NUDT3: variants seen among roughly 807,000 people sequenced by gnomAD.
The protein encoded by NUDT3 is diphosphoinositol polyphosphate phosphohydrolase 1.
NUDT3 carries 9 observed loss-of-function variants against 23.6 expected under a neutral mutation model. The observed-to-expected ratio is 0.38, with a 90% confidence interval of 0.23 to 0.66. NUDT3 has a LOEUF of 0.66. Ranked by LOEUF, NUDT3 falls within the 30% of genes least tolerant of loss-of-function variation. The pLI is 0.52. For synonymous variants in NUDT3, 86 were observed against 82.6 expected (o/e 1.04, Z -0.22); for missense variants, 172 against 218.5 (o/e 0.79, Z 1.34).
intron 1 of NUDT3, among the ~76,000 whole-genome samples, chr6:34,371,464 CA>C (rs1179552366): frequency 3.0e-4 from 41 of 137,874 alleles, no homozygotes; most frequent in Admixed American, 5.1e-4. Flanking sequence ...GACTCTGTCT[CA>C]AAAAAAAAAA....
chr6:34,333,723 CAT>C (rs1056656496), intron 2 of NUDT3, among the ~76,000 whole-genome samples: 13 of 152,316 alleles, frequency 8.5e-5, no homozygotes, highest in African/African-American at 2.9e-4. Context: ...TTTTATAGCA[CAT>C]GACTTCACTA....
intron 2 of NUDT3, among the ~76,000 whole-genome samples, chr6:34,320,753 C>T (rs2113716948): frequency 6.6e-6 from 1 of 152,050 alleles, no homozygotes; most frequent in South Asian, 2.1e-4. Flanking sequence ...GGAGGATCAC[C>T]TGAGCTCAGG....
At chr6:34,292,898 C>T (rs1374134615) in intron 4 of NUDT3, among the ~76,000 whole-genome samples, 1 of 152,194 alleles carries the variant, frequency 6.6e-6, no homozygotes, top group East Asian at 1.9e-4. Context: ...ATTTTAGAAG[C>T]AACATTTCTT....
chr6:34,368,436 C>T (rs979450908), intron 1 of NUDT3, among the ~76,000 whole-genome samples: 1 of 152,168 alleles, frequency 6.6e-6, no homozygotes, highest in Admixed American at 6.5e-5. Flanking sequence ...CAAAGAAGTG[C>T]AGCAGCATAC....
At chr6:34,294,842 G>A (rs2113694976) in intron 3 of NUDT3, among the ~76,000 whole-genome samples, 1 of 152,152 alleles carries the variant, frequency 6.6e-6, no homozygotes, top group East Asian at 1.9e-4. Context: ...GCTCAGGTTG[G>A]TCTTGAACTT....
intron 2 of NUDT3, among the ~76,000 whole-genome samples, chr6:34,324,452 C>T (rs1372170779): frequency 6.6e-6 from 1 of 151,946 alleles, no homozygotes; most frequent in Non-Finnish European, 1.5e-5. Context: ...GTGCCCAGGA[C>T]AGAGTGCAGT....
At chr6:34,308,421 A>C (rs1328261097) in intron 2 of NUDT3, among the ~76,000 whole-genome samples, 8 of 150,604 alleles carry the variant, frequency 5.3e-5, no homozygotes, top group African/African-American at 7.4e-5. Flanking sequence ...TGATTGCACC[A>C]CTGCACTCCA....
Position 34,283,602 on chromosome 6 carries a change from A to C in NUDT3, c.*5151T>G, listed in dbSNP as rs944511496. 6.6e-6 allele frequency: 1 copy of C among 152,212 alleles called. No individual in the cohort carries two copies. The highest frequency in any genetic ancestry group is 1.5e-5 in the Non-Finnish European group (1 of 68,028). The allele number at this position is 152,212 out of a possible 1,614,324, so 9.4% of individuals were successfully genotyped here. The stretch of plus-strand genomic sequence containing the variant: ...CTCAGATGCTCCAACTAGGCTTCTC[A>C]CATCCCTCAAAGGTTATCAGCTAAA... On this transcript the variant is annotated 3_prime_UTR_variant, in exon 5 of 5. Transcript: ENST00000607016.
chr6:34,341,596 G>GT (rs1394018986), intron 2 of NUDT3, among the ~76,000 whole-genome samples: 2 of 152,168 alleles, frequency 1.3e-5, no homozygotes, highest in East Asian at 3.8e-4. Context: ...TGTGCCACAG[G>GT]TAACAGGCAG....
chr6:34,317,555 T>G (rs967341103), intron 2 of NUDT3, among the ~76,000 whole-genome samples: 13 of 152,240 alleles, frequency 8.5e-5, no homozygotes, highest in African/African-American at 2.9e-4. Context: ...CAAGCTTTTC[T>G]CCCACCCCCC....
chr6:34,280,242 A>G lies in NUDT3; in HGVS notation c.*8511T>C, dbSNP rs1258269340. 6.6e-6 allele frequency: 1 copy of G among 152,270 alleles called. No homozygotes were observed. Among genetic ancestry groups the G allele is most frequent in the African/African-American group, 2.4e-5 (1 of 41,464 alleles). 9.4% of individuals were successfully genotyped at this position (152,270 alleles called of 1,614,324 possible). On this transcript the variant is annotated 3_prime_UTR_variant, in exon 5 of 5. Coordinates refer to ENST00000607016, the MANE Select transcript of NUDT3 (RefSeq NM_006703.4). ...AGAGAGTGCTGCAAAAATCTTCCTTAGGGACGCTGTGAAGACACGGGGAAG... is the reference window on the plus strand; with the variant it reads ...AGAGAGTGCTGCAAAAATCTTCCTTGGGGACGCTGTGAAGACACGGGGAAG...
At chr6:34,289,118 C>A (rs1308084742) in intron 4 of NUDT3, among the ~76,000 whole-genome samples, 187 bp from the exon 5 acceptor site, 1 of 152,146 alleles carries the variant, frequency 6.6e-6, no homozygotes, top group Non-Finnish European at 1.5e-5. Context: ...AGGTGAGAAA[C>A]CTGAAAACCA....
intron 4 of NUDT3, among the ~76,000 whole-genome samples, chr6:34,291,249 A>G (rs556582301): frequency 6.6e-6 from 1 of 152,088 alleles, no homozygotes; most frequent in South Asian, 2.1e-4. Context: ...GTGATCCACC[A>G]TGCCCAGTGA....
intron 1 of NUDT3, among the ~76,000 whole-genome samples, chr6:34,368,881 G>A (rs1400659538): frequency 2.0e-5 from 3 of 152,050 alleles, no homozygotes; most frequent in African/African-American, 4.8e-5. Flanking sequence ...CTCATGATCC[G>A]CCTGCCTCGG....
chr6:34,351,104 C>A (rs1241096256), intron 1 of NUDT3, among the ~76,000 whole-genome samples: 1 of 141,616 alleles, frequency 7.1e-6, no homozygotes, highest in Non-Finnish European at 1.5e-5. Context: ...AATCCCAGCA[C>A]TCTGGGAGGC....
intron 1 of NUDT3, among the ~76,000 whole-genome samples, chr6:34,345,168 C>G (rs1764346038): frequency 6.6e-6 from 1 of 151,928 alleles, no homozygotes; most frequent in Admixed American, 6.6e-5. Flanking sequence ...CCTGCCTCAG[C>G]CTCCCGAGTA....
intron 1 of NUDT3, among the ~76,000 whole-genome samples, chr6:34,373,226 C>G (rs1308456643): frequency 6.7e-6 from 1 of 148,390 alleles, no homozygotes; most frequent in African/African-American, 2.5e-5. Flanking sequence ...TTGCAGTGAG[C>G]TGAGATCACG....
At chr6:34,294,674 C>T (rs958538827) in intron 3 of NUDT3, among the ~76,000 whole-genome samples, 2 of 150,970 alleles carry the variant, frequency 1.3e-5, no homozygotes, top group East Asian at 2.0e-4. Context: ...TGTGGTGAGC[C>T]GACATCGCAC....
chr6:34,346,609 T>G (rs1764374574), intron 1 of NUDT3, among the ~76,000 whole-genome samples: 1 of 152,128 alleles, frequency 6.6e-6, no homozygotes, highest in African/African-American at 2.4e-5. Flanking sequence ...CTATATGAAC[T>G]AGGACTACAA....
Sources: gnomAD v4.1 joint callset for allele counts (sites outside exome capture counted in the v4.1 genomes callset) on GRCh38, gnomAD v4.1.1 for gene constraint, MANE v1.5 for transcripts, NCBI Gene and HGNC (gene_info 2026-07-23, HGNC 2026-07-21) for gene names.